The following ST18 variants were observed in gnomAD, a reference collection of about 807,000 sequenced individuals.
The protein encoded by ST18 is ST18 C2H2C-type zinc finger transcription factor.
In ST18, 50 loss-of-function variants were observed where a neutral mutation model predicts 110.0. That is an observed-to-expected ratio of 0.45 (90% CI 0.36 to 0.58). The LOEUF (loss-of-function observed/expected upper bound fraction) is 0.58. Ranked by LOEUF, ST18 falls within the 20% of genes least tolerant of loss-of-function variation. The probability of loss-of-function intolerance (pLI) is 0.00; values close to 1 mark genes in which losing one functional copy is unlikely to be tolerated. For missense variants in ST18, 1,306 were observed against 1,280.1 expected (o/e 1.02, Z -0.31); for synonymous variants, 461 against 452.4 (o/e 1.02, Z -0.24).
At chr8:52,211,096 C>T (rs1489177722) in intron 8 of ST18, among the ~76,000 whole-genome samples, 1 of 152,152 alleles carries the variant, frequency 6.6e-6, no homozygotes, top group Non-Finnish European at 1.5e-5. Context: ...GAGAAATGTA[C>T]AGAGCAATTA....
At chr8:52,240,205 T>C (rs1189144976) in intron 2 of ST18, among the ~76,000 whole-genome samples, 2 of 152,106 alleles carry the variant, frequency 1.3e-5, no homozygotes, top group Non-Finnish European at 2.9e-5. Context: ...TTTTCTGAGT[T>C]TCTATGCCAA....
intron 2 of ST18, among the ~76,000 whole-genome samples, chr8:52,351,885 T>C (rs1056619206): frequency 6.6e-5 from 10 of 152,206 alleles, no homozygotes; most frequent in African/African-American, 2.4e-4. Flanking sequence ...AACTTCATGT[T>C]ATGCAGTCAC....
At chr8:52,376,599 T>C (rs1410161878) in intron 2 of ST18, among the ~76,000 whole-genome samples, 5 of 152,220 alleles carry the variant, frequency 3.3e-5, no homozygotes, top group Non-Finnish European at 7.3e-5. Flanking sequence ...CACTTATTTA[T>C]TACTGCTATT....
In ST18 at chr8:52,244,032, A is replaced by C. The variant is rs558604716; in HGVS notation, c.-464-13955T>G. Among the ~76,000 whole-genome samples, 3 of 152,266 alleles carry C rather than the reference A, an allele frequency of 2.0e-5. No individual in the cohort carries two copies. The South Asian group carries it at 6.2e-4, about 32-fold the overall frequency. On this transcript the variant is annotated intron_variant, in intron 2 of 25. Coordinates refer to ENST00000689386, the MANE Select transcript of ST18 (RefSeq NM_001352837.2). ...GCCTGTGTGCTAACGCTAATATGCA[A>C]AACCTGACCCTTGGATCCTCCAGTT...
chr8:52,388,264 G>A (rs1033815797), intron 2 of ST18, among the ~76,000 whole-genome samples: 1 of 151,904 alleles, frequency 6.6e-6, no homozygotes, highest in Non-Finnish European at 1.5e-5. Flanking sequence ...AAACGCCAGC[G>A]CGCTCCGAGC....
At chr8:52,344,673 T>G (rs1195651672) in intron 2 of ST18, among the ~76,000 whole-genome samples, 3 of 152,204 alleles carry the variant, frequency 2.0e-5, no homozygotes, top group Admixed American at 6.5e-5. Context: ...AGTGTTGGGA[T>G]TACAGGCATG....
chr8:52,222,799 T>C (rs1034232697), intron 3 of ST18, among the ~76,000 whole-genome samples: 10 of 152,210 alleles, frequency 6.6e-5, no homozygotes, highest in African/African-American at 2.4e-4. Context: ...ATCTTAAATA[T>C]GTTATGAGGG....
chr8:52,217,145 C>A (rs1174033848), intron 6 of ST18, among the ~76,000 whole-genome samples: 3 of 152,138 alleles, frequency 2.0e-5, no homozygotes, highest in Non-Finnish European at 2.9e-5. Context: ...CTAATGAGTC[C>A]TTTGTTTTCT....
chr8:52,308,724 C>G (rs904444809), intron 2 of ST18, among the ~76,000 whole-genome samples: 1 of 152,182 alleles, frequency 6.6e-6, no homozygotes, highest in Non-Finnish European at 1.5e-5. Context: ...AGGGCAGAAG[C>G]CTCCAAGGAC....
rs150434023 is a variant in ST18 at position 52,271,425 on chromosome 8, T to G, written c.-464-41348A>C. Among the ~76,000 whole-genome samples, 462 of 152,286 alleles carry G rather than the reference T, an allele frequency of 3.0e-3. 1 individual carries two copies. Among genetic ancestry groups the G allele is most frequent in the Non-Finnish European group, 5.1e-3 (344 of 68,014 alleles). ...CCAAGGCATTATTCCTTGCCATGTT[T>G]AACATCTAGGGGCTTACCAATATAT... On this transcript the variant is annotated intron_variant, in intron 2 of 25. Transcript: ENST00000689386.
intron 6 of ST18, among the ~76,000 whole-genome samples, chr8:52,215,480 A>G (rs1338931085): frequency 1.3e-5 from 2 of 152,222 alleles, no homozygotes; most frequent in African/African-American, 2.4e-5. Flanking sequence ...CACTACAGAC[A>G]AAATTAACGA....
intron 2 of ST18, among the ~76,000 whole-genome samples, chr8:52,251,183 TAAAA>T (rs2094285996): frequency 6.6e-6 from 1 of 152,164 alleles, no homozygotes; most frequent in South Asian, 2.1e-4. Flanking sequence ...GAGGAGAAAA[TAAAA>T]TAAGTGTTTT....
intron 2 of ST18, among the ~76,000 whole-genome samples, chr8:52,318,778 C>A (rs971356130): frequency 1.3e-5 from 2 of 152,124 alleles, no homozygotes; most frequent in Non-Finnish European, 2.9e-5. Flanking sequence ...GTATCCTTTG[C>A]AGGGACATGG....
chr8:52,117,911 A>T lies in ST18; in HGVS notation c.2859+427T>A, dbSNP rs570741899. 4.6e-4 allele frequency among the ~76,000 whole-genome samples: 70 copies of T among 152,338 alleles called. 1 individual carries two copies. The highest frequency in any genetic ancestry group is 1.4e-3 in the African/African-American group (60 of 41,586). ...TTAGGTAAAGAATTTGCTCAAGAAA[A>T]TATTCAGTAAGATCTGTTTCTAATA... On this transcript the variant is annotated intron_variant, in intron 24 of 25. Coordinates refer to ENST00000689386, the MANE Select transcript of ST18 (RefSeq NM_001352837.2).
intron 11 of ST18, 64 bp from the exon 12 acceptor site, chr8:52,165,289 G>A (rs369235857): frequency 7.4e-5 from 112 of 1,507,916 alleles, no homozygotes; most frequent in African/African-American, 7.0e-4. Flanking sequence ...ACACTAACAC[G>A]TGTATCTCTC....
chr8:52,201,182 T>C (rs903696227), intron 8 of ST18: 2 of 152,376 alleles, frequency 1.3e-5, no homozygotes, highest in African/African-American at 4.8e-5. Context: ...CAAGTTTCTT[T>C]GACAATGGCC....
At chr8:52,263,213 A>G (rs1374544845) in intron 2 of ST18, among the ~76,000 whole-genome samples, 2 of 152,242 alleles carry the variant, frequency 1.3e-5, no homozygotes, top group African/African-American at 4.8e-5. Context: ...TCTGGCATGT[A>G]CAGAGAGGGT....
chr8:52,261,301 A>G (rs753484313), intron 2 of ST18, among the ~76,000 whole-genome samples: 1 of 152,218 alleles, frequency 6.6e-6, no homozygotes, highest in Non-Finnish European at 1.5e-5. Context: ...GAAATGAGGC[A>G]AAGATGATAA....
chr8:52,161,378 C>G lies in ST18; in HGVS notation c.1591G>C (p.Glu531Gln). The change falls in exon 14 of 26, where the codon GAA becomes CAA. Residue 531 changes from glutamate (E) to glutamine (Q), a missense_variant. By Grantham distance (29) the Glu-to-Gln change is conservative (BLOSUM62 2). Transcript: ENST00000689386. Reference protein sequence around the residue: ...VQGRKTPPFPESKHFPNPVKF... With the variant: ...VQGRKTPPFPQSKHFPNPVKF... ...GGCATTAGAGCTCAAAGCTTACATT[C>G]AGGAAATGGTGGTGTTTTTCGTCCT... The G allele has an allele frequency of 1.2e-6, 2 of 1,613,210 alleles. No homozygotes were observed. The highest frequency in any genetic ancestry group is 1.7e-6 in the Non-Finnish European group (2 of 1,179,422).
Sources: allele counts gnomAD v4.1 joint callset (sites outside exome capture counted in the v4.1 genomes callset), GRCh38; gene constraint gnomAD v4.1.1; transcripts MANE v1.5; gene names NCBI Gene and HGNC (gene_info 2026-07-23, HGNC 2026-07-21).